RGPD2: variants seen among roughly 807,000 people sequenced by gnomAD.
The protein encoded by RGPD2 is RANBP2-like and GRIP domain-containing protein 2.
In RGPD2, 2 loss-of-function variants were observed where a neutral mutation model predicts 36.0. The ratio of observed to expected loss-of-function variants is 0.06; its 90% confidence interval spans 0.02 to 0.17. The LOEUF is 0.17. Among genes scored for constraint, RGPD2 ranks in the 10% least tolerant of loss-of-function variants. The pLI, the probability that RGPD2 is intolerant of heterozygous loss-of-function variation, is 1.00. For missense variants in RGPD2, 40 were observed against 464.3 expected, an observed-to-expected ratio of 0.09 and a Z score of 8.40; for synonymous variants, 19 against 163.8, an observed-to-expected ratio of 0.12 and a Z score of 6.75.
At chr2:87,848,847 A>G in the RGPD2 span, among the ~76,000 whole-genome samples, 1 of 127,594 alleles carries the variant, frequency 7.8e-6, no homozygotes, top group Non-Finnish European at 1.8e-5. Flanking sequence ...GGTGGAAAAT[A>G]ATTGAGGGTG....
chr2:87,873,975 A>G, the RGPD2 span, among the ~76,000 whole-genome samples: 1 of 152,070 alleles, frequency 6.6e-6, no homozygotes, highest in Non-Finnish European at 1.5e-5. Flanking sequence ...CATATCTCTA[A>G]TGATCAATGA....
At chr2:87,907,414 T>TAAAAAAAA in the RGPD2 span, among the ~76,000 whole-genome samples, 3 of 3,440 alleles carry the variant, frequency 8.7e-4, 1 homozygote, top group Non-Finnish European at 4.4e-4. Context: ...TAGAGTATAA[T>TAAAAAAAA]AAAAAAAAAA....
At chr2:87,875,374 T>G in the RGPD2 span, among the ~76,000 whole-genome samples, 1 of 152,282 alleles carries the variant, frequency 6.6e-6, no homozygotes, top group South Asian at 2.1e-4. Context: ...TTGAGGTATG[T>G]TCCTTCAATA....
chr2:87,914,890 G>T, the RGPD2 span, among the ~76,000 whole-genome samples: 66 of 151,752 alleles, frequency 4.3e-4, no homozygotes, highest in Non-Finnish European at 6.0e-4. Flanking sequence ...TGTGGAATTT[G>T]CATTTTAAAA....
the RGPD2 span, among the ~76,000 whole-genome samples, chr2:87,929,285 C>T: frequency 1.3e-5 from 2 of 151,502 alleles, no homozygotes; most frequent in Non-Finnish European, 3.0e-5. Flanking sequence ...AATCCTTTCC[C>T]CATTGCTTGT....
chr2:87,918,689 A>G, the RGPD2 span, among the ~76,000 whole-genome samples: 2 of 152,112 alleles, frequency 1.3e-5, no homozygotes. Flanking sequence ...CTGGGAAACC[A>G]AAAATACTAC....
At chr2:87,884,183 C>T in the RGPD2 span, among the ~76,000 whole-genome samples, 1 of 151,960 alleles carries the variant, frequency 6.6e-6, no homozygotes, top group Non-Finnish European at 1.5e-5. Context: ...ATAACTAATA[C>T]ACTCCTCAAC....
At chr2:87,882,911 C>G in the RGPD2 span, among the ~76,000 whole-genome samples, 1 of 151,856 alleles carries the variant, frequency 6.6e-6, no homozygotes, top group South Asian at 2.1e-4. Context: ...AGCAACACTA[C>G]TGATTTTTGT....
At chr2:87,927,606 C>T in the RGPD2 span, among the ~76,000 whole-genome samples, 8 of 151,164 alleles carry the variant, frequency 5.3e-5, no homozygotes, top group East Asian at 1.4e-3. Context: ...GGTTTGTAAA[C>T]ATCTACAGAT....
chr2:87,978,243 C>T, the RGPD2 span, among the ~76,000 whole-genome samples: 4 of 152,080 alleles, frequency 2.6e-5, no homozygotes, highest in Non-Finnish European at 4.4e-5. Context: ...ACGTCTAGAA[C>T]ATGTAAGAAC....
At chr2:87,936,295 C>G in the RGPD2 span, among the ~76,000 whole-genome samples, 1 of 151,584 alleles carries the variant, frequency 6.6e-6, no homozygotes, top group African/African-American at 2.4e-5. Flanking sequence ...CGCAGAGTTG[C>G]ACAGAACATA....
chr2:87,957,326 A>G, the RGPD2 span, among the ~76,000 whole-genome samples: 2 of 140,820 alleles, frequency 1.4e-5, no homozygotes, highest in South Asian at 4.8e-4. Flanking sequence ...CAGCCACATG[A>G]AGACACAGCA....
the RGPD2 span, among the ~76,000 whole-genome samples, chr2:87,861,134 G>GTTTT: frequency 1.9e-4 from 22 of 116,620 alleles, no homozygotes; most frequent in South Asian, 8.7e-4. Flanking sequence ...TTGTGTAAGT[G>GTTTT]TTTTTTTTTT....
the RGPD2 span, among the ~76,000 whole-genome samples, chr2:87,844,830 G>T: frequency 7.2e-6 from 1 of 138,496 alleles, no homozygotes; most frequent in African/African-American, 2.6e-5. Flanking sequence ...TCATTTATAA[G>T]GAAATTATTG....
the RGPD2 span, among the ~76,000 whole-genome samples, chr2:87,882,182 T>C: frequency 6.6e-6 from 1 of 152,248 alleles, no homozygotes; most frequent in Non-Finnish European, 1.5e-5. Flanking sequence ...CTATGTTAAA[T>C]GTCACACAGT....
chr2:87,923,452 G>A, the RGPD2 span, among the ~76,000 whole-genome samples: 1 of 152,176 alleles, frequency 6.6e-6, no homozygotes, highest in South Asian at 2.1e-4. Context: ...TTTTTATACT[G>A]TGATAGTTAC....
At chr2:87,813,832 G>T (rs1482353903) in intron 4 of RGPD2, among the ~76,000 whole-genome samples, 1 of 138,504 alleles carries the variant, frequency 7.2e-6, no homozygotes, top group African/African-American at 2.7e-5. Flanking sequence ...AATTTTAGGA[G>T]AAATGGAATT....
chr2:87,975,052 C>T, the RGPD2 span, among the ~76,000 whole-genome samples: 6 of 152,174 alleles, frequency 3.9e-5, no homozygotes, highest in African/African-American at 1.4e-4. Flanking sequence ...CTAATTTATT[C>T]TCTTATTATT....
At chr2:87,971,905 T>C in the RGPD2 span, among the ~76,000 whole-genome samples, 2 of 151,948 alleles carry the variant, frequency 1.3e-5, no homozygotes, top group Non-Finnish European at 2.9e-5. Flanking sequence ...ATGACTACTG[T>C]CTTGGTTGGT....
Sources: gnomAD v4.1 joint callset for allele counts (sites outside exome capture counted in the v4.1 genomes callset) on GRCh38, gnomAD v4.1.1 for gene constraint, MANE v1.5 for transcripts, NCBI Gene and HGNC (gene_info 2026-07-23, HGNC 2026-07-21) for gene names.